Variants in LGALS8 observed in about 807,000 individuals in gnomAD.
LGALS8 encodes galectin 8.
In LGALS8, 30 loss-of-function variants were observed where a neutral mutation model predicts 35.9. The ratio of observed to expected loss-of-function variants is 0.83; its 90% confidence interval spans 0.62 to 1.13. The LOEUF is 1.13. Ranked by LOEUF, LGALS8 falls within the 50% of genes most tolerant of loss-of-function variation. LGALS8 has a pLI of 0.00. For missense variants in LGALS8, 366 were observed against 388.7 expected (o/e 0.94, Z 0.49); for synonymous variants, 138 against 136.1 (o/e 1.01, Z -0.10).
chr1:236,535,159 T>C (rs1264275821), intron 2 of LGALS8, among the ~76,000 whole-genome samples: 1 of 152,036 alleles, frequency 6.6e-6, no homozygotes. Context: ...AAAAATATTT[T>C]TCTGGCTATA....
intron 2 of LGALS8, chr1:236,536,246 A>G (rs942759533): frequency 6.6e-6 from 1 of 152,140 alleles, no homozygotes; most frequent in African/African-American, 2.4e-5. Flanking sequence ...TTTACCATGC[A>G]CATCGTAATT....
Position 236,538,992 on chromosome 1 carries a change from A to G in LGALS8, c.248A>G (p.Asn83Ser), listed in dbSNP as rs1558163199. ...TGCATTGTTTGCAATACTTTGATAA[A>G]TGAAAAATGGGGACGGGAAGAGATC... ...AGCIVCNTLI[N>S]EKWGREEITY... is the part of the protein sequence containing the mutation. The change falls in exon 4 of 10, where the codon AAT (asparagine) becomes AGT (serine). Residue 83 changes from asparagine (N) to serine (S), a missense_variant. Transcript: ENST00000366584. 2 of 1,614,218 alleles carry G rather than the reference A, an allele frequency of 1.2e-6. No individual in the cohort carries two copies. The highest frequency in any genetic ancestry group is 1.7e-6 in the Non-Finnish European group (2 of 1,180,048).
At chr1:236,537,071 T>C (rs1227519076) in intron 2 of LGALS8, among the ~76,000 whole-genome samples, 1 of 140,592 alleles carries the variant, frequency 7.1e-6, no homozygotes, top group African/African-American at 2.7e-5. Context: ...GGCTGGAGCA[T>C]AGTGGCGCGA....
intron 1 of LGALS8, 131 bp from the exon 2 acceptor site, chr1:236,525,837 C>G (rs928787887): frequency 5.5e-6 from 2 of 360,434 alleles, no homozygotes; most frequent in African/African-American, 4.1e-5. Context: ...GGAGGCAGAT[C>G]GTTGATTGTA....
chr1:236,545,159 TAGCCCCATATTG>T (rs1460271469), intron 9 of LGALS8: 1 of 306,606 alleles, frequency 3.3e-6, no homozygotes, highest in African/African-American at 2.1e-5. Flanking sequence ...AATTCCTGTG[TAGCCCCATATTG>T]ATAGGAATTT....
intron 2 of LGALS8, among the ~76,000 whole-genome samples, chr1:236,534,490 G>A (rs1330090662): frequency 6.6e-6 from 1 of 152,014 alleles, no homozygotes; most frequent in African/African-American, 2.4e-5. Context: ...AATGATCTGT[G>A]AATCACCAAA....
At chr1:236,531,840 C>T (rs1056666862) in intron 2 of LGALS8, among the ~76,000 whole-genome samples, 2 of 152,280 alleles carry the variant, frequency 1.3e-5, no homozygotes, top group Middle Eastern at 3.4e-3. Context: ...TAGAGTTGTA[C>T]TTGTGCCTAT....
At chr1:236,530,485 CTTTCT>C (rs1428240490) in intron 2 of LGALS8, among the ~76,000 whole-genome samples, 1 of 152,110 alleles carries the variant, frequency 6.6e-6, no homozygotes, top group East Asian at 1.9e-4. Flanking sequence ...TTTAATGTCT[CTTTCT>C]TTTATGTCTT....
chr1:236,523,456 C>A, upstream of LGALS8: 1 of 157,228 alleles, frequency 6.4e-6, no homozygotes, highest in Non-Finnish European at 1.4e-5. Context: ...GGATCCGAGG[C>A]AGACGAGGAA....
Position 236,542,747 on chromosome 1 carries a change from T to G in LGALS8, c.523-14T>G. ...CCCTTCTAACATTGTTGTGTTTTGT[T>G]TCTTTTCCAATAGGTTCCAAAGTCT... On this transcript the variant is annotated splice_polypyrimidine_tract_variant and intron_variant, in intron 6 of 9. Coordinates refer to ENST00000366584, the MANE Select transcript of LGALS8 (RefSeq NM_201544.4). 1 of 1,613,834 alleles carries G rather than the reference T, an allele frequency of 6.2e-7. No homozygotes were observed. The highest frequency in any genetic ancestry group is 8.5e-7 in the Non-Finnish European group (1 of 1,179,690).
At chr1:236,530,341 T>G (rs1168570730) in intron 2 of LGALS8, among the ~76,000 whole-genome samples, 2 of 152,218 alleles carry the variant, frequency 1.3e-5, no homozygotes, top group Non-Finnish European at 2.9e-5. Flanking sequence ...GTGAGATACC[T>G]TCTAGCCTTT....
chr1:236,544,731 T>C lies in LGALS8; in HGVS notation c.639-19T>C, dbSNP rs557378558. The C allele has an allele frequency of 2.1e-4, 323 of 1,571,086 alleles. 2 individuals carry two copies. The African/African-American group carries it at 3.6e-3, about 18-fold the overall frequency. On this transcript the variant is annotated intron_variant, in intron 8 of 9. Transcript: ENST00000366584. ...TACTTGGTTAATTAAGGTTTTTTTT[T>C]TTCTTTCTTTCTCAAAAGCTTTAAT...
In LGALS8 at chr1:236,549,451, G is replaced by C. The variant is rs1290687862; in HGVS notation, c.*1290G>C. ...TTAGACTGGGGCAGAACTCTGCCAG[G>C]ATTTAGGAATATTTTCAGAACAGAT... is the stretch of plus-strand genomic sequence containing the variant. On this transcript the variant is annotated 3_prime_UTR_variant, in exon 10 of 10. Coordinates refer to ENST00000366584, the MANE Select transcript of LGALS8 (RefSeq NM_201544.4). 4 of 154,674 alleles carry C rather than the reference G, an allele frequency of 2.6e-5. No homozygotes were observed. The highest frequency in any genetic ancestry group is 9.6e-5 in the African/African-American group (4 of 41,558). 9.6% of individuals were successfully genotyped at this position (154,674 alleles called of 1,614,324 possible).
At chr1:236,542,960 G>A in intron 7 of LGALS8, 173 bp downstream of exon 7, 1 of 1,614,038 alleles carries the variant, frequency 6.2e-7, no homozygotes, top group Non-Finnish European at 8.5e-7. Flanking sequence ...ACCCAGAACT[G>A]TCTACACCAA....
intron 9 of LGALS8, among the ~76,000 whole-genome samples, chr1:236,546,355 G>T (rs1046947637): frequency 2.0e-5 from 3 of 152,154 alleles, no homozygotes; most frequent in Non-Finnish European, 2.9e-5. Context: ...CCTTTCCGGG[G>T]GCTTCCATCT....
At position 236,542,151 on chromosome 1, in the gene LGALS8, G is replaced by T. The variant is rs148107349; in HGVS notation, c.522+441G>T. Among the ~76,000 whole-genome samples, 77 of 152,268 alleles carry T rather than the reference G, an allele frequency of 5.1e-4. No individual in the cohort carries two copies. The Middle Eastern group carries it at 0.014, about 27-fold the overall frequency. On this transcript the variant is annotated intron_variant, in intron 6 of 9. Transcript: ENST00000366584. ...AGACAGAACAGAATCTTAGCATTCT[G>T]GGGGCACCCTGGAAAGGACAACTAA...
chr1:236,545,834 T>C (rs755588706), intron 9 of LGALS8, among the ~76,000 whole-genome samples: 1 of 152,104 alleles, frequency 6.6e-6, no homozygotes, highest in African/African-American at 2.4e-5. Flanking sequence ...AGGCTGAAGG[T>C]TGGCTTTTCT....
chr1:236,540,723 G>A (rs767671828), intron 5 of LGALS8, 40 bp downstream of exon 5: 2 of 1,545,768 alleles, frequency 1.3e-6, no homozygotes, highest in East Asian at 2.3e-5. Flanking sequence ...TTATGAGGAT[G>A]GTTTCTGATG....
In LGALS8 at chr1:236,548,030, G is replaced by T. The variant is rs752285984; in HGVS notation, c.823G>T (p.Val275Phe). 2 of 1,611,206 alleles carry T rather than the reference G, an allele frequency of 1.2e-6. No individual in the cohort carries two copies. Among genetic ancestry groups the T allele is most frequent in the South Asian group, 2.2e-5 (2 of 90,986 alleles). ...CTTTCAGATGATAATTTATTGTGAT[G>T]TTAGAGAATTCAAGGTTGCAGTAAA... ...MYFEMIIYCDVREFKVAVNGV... is the reference protein window; with the variant it reads ...MYFEMIIYCDFREFKVAVNGV... The change falls in exon 10 of 10, where the codon GTT becomes TTT. Residue 275 changes from valine (V) to phenylalanine (F), a missense_variant. Transcript: ENST00000366584.
Sources: gnomAD v4.1 joint callset for allele counts (sites outside exome capture counted in the v4.1 genomes callset) on GRCh38, gnomAD v4.1.1 for gene constraint, MANE v1.5 for transcripts, NCBI Gene and HGNC (gene_info 2026-07-23, HGNC 2026-07-21) for gene names.